TSPO: variants seen among roughly 807,000 people sequenced by gnomAD.
The protein encoded by TSPO is translocator protein.
A neutral mutation model predicts 13.9 loss-of-function variants in TSPO; 14 were observed. That is an observed-to-expected ratio of 1.01 (90% confidence interval 0.67 to 1.58). The LOEUF is 1.58. Among genes scored for constraint, TSPO ranks in the 40% most tolerant of loss-of-function variants. The pLI, the probability that TSPO is intolerant of heterozygous loss-of-function variation, is 0.00. For missense variants in TSPO, 232 were observed against 229.6 expected, an observed-to-expected ratio of 1.01 and a Z score of -0.07; for synonymous variants, 114 against 105.9, an observed-to-expected ratio of 1.08 and a Z score of -0.47.
At chr22:43,161,332 C>A in intron 3 of TSPO, 142 bp downstream of exon 3, 1 of 1,261,390 alleles carries the variant, frequency 7.9e-7, no homozygotes, top group Non-Finnish European at 1.1e-6. Context: ...GTAAGCAGCC[C>A]ACACCCTGGA....
rs567132675 is a variant in TSPO, at chr22:43,159,266, G to A, written c.28G>A (p.Gly10Ser). The A allele has an allele frequency of 7.0e-6, 11 of 1,560,388 alleles. No homozygotes were observed. The African/African-American group carries it at 1.2e-4, about 17-fold the overall frequency. The change falls in exon 2 of 4, where the codon GGC (glycine) becomes AGC (serine). Residue 10 changes from glycine to serine, a missense_variant. Gly to Ser is a moderately conservative substitution (Grantham distance 56). Coordinates refer to ENST00000337554, the MANE Select transcript of TSPO (RefSeq NM_000714.6). ...GGCCCCGCCCTGGGTGCCCGCCATGGGCTTCACGCTGGCGCCCAGCCTGGG... is the reference window on the plus strand; with the variant it reads ...GGCCCCGCCCTGGGTGCCCGCCATGAGCTTCACGCTGGCGCCCAGCCTGGG... MAPPWVPAM[G>S]FTLAPSLGCF...
rs1381903211 is a variant in TSPO, at chr22:43,157,138, C to G, written c.-29-2072C>G. ...GGTCCCAGGGCTGTGGTCCAGAGCT[C>G]CATATCCACTTGGCGGTGGTGCAGG... On this transcript the variant is annotated intron_variant, in intron 1 of 3. Transcript: ENST00000337554. Among the ~76,000 whole-genome samples, 19 of 152,146 alleles carry G rather than the reference C, an allele frequency of 1.2e-4. No homozygotes were observed. In the East Asian group the frequency reaches 3.7e-3, roughly 29 times the overall value.
chr22:43,153,343 T>C (rs1312994187), intron 1 of TSPO, among the ~76,000 whole-genome samples: 4 of 52,204 alleles, frequency 7.7e-5, no homozygotes, highest in Admixed American at 1.7e-4. Context: ...TTTCTTTTTT[T>C]TTTTTTTTTT....
At chr22:43,154,750 C>T (rs533734130) in intron 1 of TSPO, among the ~76,000 whole-genome samples, 1 of 152,208 alleles carries the variant, frequency 6.6e-6, no homozygotes, top group South Asian at 2.1e-4. Flanking sequence ...GACACAGAGG[C>T]TCAGGAGATG....
chr22:43,158,812 A>ATGAG (rs59161843), intron 1 of TSPO, among the ~76,000 whole-genome samples: 22,743 of 151,580 alleles, frequency 0.15, 5,681 homozygotes, highest in African/African-American at 0.52. Flanking sequence ...CACCAAATGA[A>ATGAG]TGAGTGAGTG....
chr22:43,157,287 G>A, intron 1 of TSPO, among the ~76,000 whole-genome samples: 1 of 150,360 alleles, frequency 6.7e-6, no homozygotes, highest in African/African-American at 2.5e-5. Flanking sequence ...GGGCAGGAGG[G>A]CGGGGCGGGG....
chr22:43,153,080 C>T (rs1272761267), intron 1 of TSPO, among the ~76,000 whole-genome samples: 1 of 122,666 alleles, frequency 8.2e-6, no homozygotes. Flanking sequence ...CTCTTTCTTT[C>T]TTTCTTTCCT....
chr22:43,158,900 G>C (rs1201367094), intron 1 of TSPO, among the ~76,000 whole-genome samples: 1 of 152,128 alleles, frequency 6.6e-6, no homozygotes, highest in Non-Finnish European at 1.5e-5. Flanking sequence ...ACGGGGACTT[G>C]ACCCAGGGAG....
At position 43,162,831 on chromosome 22, in the gene TSPO, G is replaced by A. The variant is rs1369293531; in HGVS notation, c.350G>A (p.Gly117Glu). The A allele has an allele frequency of 1.3e-6, 2 of 1,585,718 alleles. No individual in the cohort carries two copies. Among genetic ancestry groups the A allele is most frequent in the Non-Finnish European group, 1.7e-6 (2 of 1,167,318 alleles). ...TTGGTGGATCTCCTGCTGGTCAGTG[G>A]GGCGGCGGCAGCCACTACCGTGGCC... ...WALVDLLLVS[G>E]AAAATTVAWY... The change falls in exon 4 of 4, where the codon GGG (glycine) becomes GAG (glutamate). Residue 117 changes from glycine (G) to glutamate (E), a missense_variant. By Grantham distance (98) the Gly-to-Glu change is moderately conservative. Transcript: ENST00000337554.
At chr22:43,154,145 T>A (rs1189231387) in intron 1 of TSPO, among the ~76,000 whole-genome samples, 1 of 152,080 alleles carries the variant, frequency 6.6e-6, no homozygotes, top group Non-Finnish European at 1.5e-5. Context: ...GTTACTTTTG[T>A]AATGAAAAAT....
At chr22:43,159,053 G>A (rs1302381667) in intron 1 of TSPO, among the ~76,000 whole-genome samples, 157 bp from the exon 2 acceptor site, 1 of 152,152 alleles carries the variant, frequency 6.6e-6, no homozygotes, top group Non-Finnish European at 1.5e-5. Flanking sequence ...CTGGAAATGC[G>A]TTCACTCAGC....
rs372430939 is a variant in TSPO, at chr22:43,163,011, C to T, written c.*20C>T. ...GAGTGAGTGCCCGGCCCACCAGGGA[C>T]TGCAGCTGCACCAGCAGGTGCCATC... On this transcript the variant is annotated 3_prime_UTR_variant, in exon 4 of 4. Coordinates refer to ENST00000337554, the MANE Select transcript of TSPO (RefSeq NM_000714.6). The T allele has an allele frequency of 4.0e-5, 63 of 1,577,792 alleles. No individual in the cohort carries two copies. In the Middle Eastern group the frequency reaches 1.0e-3, roughly 25 times the overall value.
chr22:43,159,454 T>G, intron 2 of TSPO, 34 bp downstream of exon 2: 1 of 1,422,314 alleles, frequency 7.0e-7, no homozygotes, highest in Non-Finnish European at 9.2e-7. Context: ...GGGATAAGCC[T>G]GGCCCTTTGC....
At position 43,163,155 on chromosome 22, in the gene TSPO, G is replaced by T; in HGVS notation, c.*164G>T. 1 of 1,460,480 alleles carries T rather than the reference G, an allele frequency of 6.8e-7. No homozygotes were observed. Among genetic ancestry groups the T allele is most frequent in the Non-Finnish European group, 9.0e-7 (1 of 1,109,344 alleles). The allele number at this position is 1,460,480 out of a possible 1,614,324, so 90.5% of individuals were successfully genotyped here. A position where few individuals can be genotyped will look rare whatever the true frequency, so the allele number is the denominator to read the frequency against. On this transcript the variant is annotated 3_prime_UTR_variant, in exon 4 of 4. Coordinates refer to ENST00000337554, the MANE Select transcript of TSPO (RefSeq NM_000714.6). ...TGGCCCCACCTGAGCCCCCACCCGGGAGCAGTGTCCTGTGCTTTCTGCATG... is the reference window on the plus strand; with the variant it reads ...TGGCCCCACCTGAGCCCCCACCCGGTAGCAGTGTCCTGTGCTTTCTGCATG...
chr22:43,157,339 A>C, intron 1 of TSPO, among the ~76,000 whole-genome samples: 1 of 148,030 alleles, frequency 6.8e-6, no homozygotes, highest in African/African-American at 2.7e-5. Context: ...GAGGGAGAAC[A>C]CAGGAACGTT....
intron 2 of TSPO, 49 bp downstream of exon 2, chr22:43,159,469 G>C: frequency 7.2e-7 from 1 of 1,397,976 alleles, no homozygotes; most frequent in Non-Finnish European, 9.3e-7. Context: ...CTTTGCAAGG[G>C]GAGGCCTGGC....
At chr22:43,152,571 A>G (rs547929933) in intron 1 of TSPO, among the ~76,000 whole-genome samples, 25 of 152,376 alleles carry the variant, frequency 1.6e-4, no homozygotes, top group African/African-American at 6.0e-4. Context: ...AGCCTGAGGC[A>G]GGTTTCCACT....
intron 1 of TSPO, among the ~76,000 whole-genome samples, chr22:43,152,779 C>T (rs1395026969): frequency 2.0e-5 from 3 of 152,204 alleles, no homozygotes; most frequent in Non-Finnish European, 2.9e-5. Context: ...GCAGGCTGAT[C>T]CCAGCCTGCC....
At position 43,162,954 on chromosome 22, in the gene TSPO, A is replaced by G; in HGVS notation, c.473A>G (p.Asn158Ser). The G allele has an allele frequency of 6.3e-7, 1 of 1,595,678 alleles. No individual in the cohort carries two copies. Among genetic ancestry groups the G allele is most frequent in the Non-Finnish European group, 8.5e-7 (1 of 1,171,860 alleles). ...CTCAACTACTGCGTATGGCGGGACAACCATGGCTGGCGTGGGGGACGGCGG... is the reference window on the plus strand; with the variant it reads ...CTCAACTACTGCGTATGGCGGGACAGCCATGGCTGGCGTGGGGGACGGCGG... Reference protein sequence around the residue: ...TTLNYCVWRDNHGWRGGRRLP... With the variant: ...TTLNYCVWRDSHGWRGGRRLP... Residue 158 changes from asparagine to serine, a missense_variant, in exon 4 of 4, where the codon AAC (asparagine) becomes AGC (serine). Coordinates refer to ENST00000337554, the MANE Select transcript of TSPO (RefSeq NM_000714.6).
Sources: gnomAD v4.1 joint callset for allele counts (sites outside exome capture counted in the v4.1 genomes callset) on GRCh38, gnomAD v4.1.1 for gene constraint, MANE v1.5 for transcripts, NCBI Gene and HGNC (gene_info 2026-07-23, HGNC 2026-07-21) for gene names.